Variants in NTM observed in about 807,000 individuals in gnomAD.
The protein encoded by NTM is neurotrimin.
In NTM, 13 loss-of-function variants were observed where a neutral mutation model predicts 42.1. The ratio of observed to expected loss-of-function variants is 0.31; its 90% CI spans 0.20 to 0.49. The LOEUF (loss-of-function observed/expected upper bound fraction) is 0.49, where lower values mean the gene tolerates loss of function less well. NTM is among the 20% of genes least tolerant of loss of function. The pLI is 0.99. For synonymous variants in NTM, 187 were observed against 179.2 expected, an observed-to-expected ratio of 1.04 and a Z score of -0.35; for missense variants, 373 against 452.8, an observed-to-expected ratio of 0.82 and a Z score of 1.60.
rs1232635260 is a variant in NTM, at chr11:132,310,212, G to A, written c.762G>A (p.Gln254=). ...CAGCAGTCCCCTCAGCAGAATTCCA[G>A]TGGTACAAGGATGACAAAAGGTAAA... is the stretch of plus-strand genomic sequence containing the variant. The part of the protein sequence containing the change: ...EASAVPSAEF[Q]WYKDDKRLIE... Residue 254 remains glutamine, a synonymous_variant, in exon 6 of 9, where the codon CAG becomes CAA. Transcript: ENST00000683400. 1.2e-6 allele frequency: 2 copies of A among 1,609,214 alleles called. No homozygotes were observed. The highest frequency in any genetic ancestry group is 1.7e-6 in the Non-Finnish European group (2 of 1,178,308).
chr11:131,587,712 C>T (rs941256639), intron 1 of NTM, among the ~76,000 whole-genome samples: 3 of 152,180 alleles, frequency 2.0e-5, no homozygotes, highest in Non-Finnish European at 4.4e-5. Context: ...ATCTTAAATG[C>T]TCCACTGCAC....
chr11:132,250,132 G>A (rs1012622709), intron 4 of NTM, among the ~76,000 whole-genome samples: 3 of 152,180 alleles, frequency 2.0e-5, no homozygotes, highest in East Asian at 1.9e-4. Flanking sequence ...ATTCCTGAAC[G>A]GTACTTATTC....
At position 132,307,835 on chromosome 11, in the gene NTM, C is replaced by T. The variant is rs941689905; in HGVS notation, c.661+12C>T. ...GGTCACCGTGAACTGTAAGTGTTCT[C>T]ACCACCACGCGCCCTGCACGTGCAT... On this transcript the variant is annotated intron_variant, in intron 5 of 8. Transcript: ENST00000683400. 1.2e-6 allele frequency: 2 copies of T among 1,613,384 alleles called. No homozygotes were observed. The highest frequency in any genetic ancestry group is 1.3e-5 in the African/African-American group (1 of 74,936).
chr11:131,598,853 C>T (rs1182675195), intron 1 of NTM, among the ~76,000 whole-genome samples: 1 of 46,746 alleles, frequency 2.1e-5, no homozygotes, highest in Admixed American at 2.9e-4. Context: ...TTCTTTCTTC[C>T]TTCCTTCCTT....
chr11:132,105,699 T>TG (rs1336930490), intron 2 of NTM, among the ~76,000 whole-genome samples: 1 of 152,202 alleles, frequency 6.6e-6, no homozygotes, highest in Non-Finnish European at 1.5e-5. Context: ...CTCTCCAGGC[T>TG]GGGGGTCCCA....
At chr11:132,195,236 C>A (rs1007350386) in intron 3 of NTM, among the ~76,000 whole-genome samples, 1 of 151,938 alleles carries the variant, frequency 6.6e-6, no homozygotes, top group Non-Finnish European at 1.5e-5. Context: ...ATACGTCTAA[C>A]CAAGAAGGTA....
At chr11:131,456,075 C>A (rs61192690) in intron 1 of NTM, among the ~76,000 whole-genome samples, 1 of 152,146 alleles carries the variant, frequency 6.6e-6, no homozygotes, top group Non-Finnish European at 1.5e-5. Flanking sequence ...AAGACCTTGG[C>A]GGTGACCTTG....
intron 2 of NTM, among the ~76,000 whole-genome samples, chr11:131,987,817 C>T (rs2066334723): frequency 6.6e-6 from 1 of 152,178 alleles, no homozygotes; most frequent in South Asian, 2.1e-4. Context: ...GCCACTCAGT[C>T]AAAGATTAGC....
At chr11:131,701,723 G>T (rs563322998) in intron 1 of NTM, among the ~76,000 whole-genome samples, 7 of 152,070 alleles carry the variant, frequency 4.6e-5, no homozygotes, top group Non-Finnish European at 1.0e-4. Context: ...TTCATTTAAT[G>T]GTGTGTCCAT....
At chr11:131,400,477 C>CT (rs1368010678) in intron 1 of NTM, among the ~76,000 whole-genome samples, 1 of 152,162 alleles carries the variant, frequency 6.6e-6, no homozygotes, top group Non-Finnish European at 1.5e-5. Context: ...GGGACCTTGG[C>CT]TTGAATCCTG....
intron 2 of NTM, among the ~76,000 whole-genome samples, chr11:132,035,190 T>TTTA (rs1224285093): frequency 2.6e-4 from 39 of 152,224 alleles, no homozygotes; most frequent in African/African-American, 9.4e-4. Flanking sequence ...AGAAGCTGTG[T>TTTA]TTATGATTCT....
At chr11:131,685,634 G>A (rs1012558609) in intron 1 of NTM, among the ~76,000 whole-genome samples, 5 of 152,002 alleles carry the variant, frequency 3.3e-5, no homozygotes, top group Admixed American at 6.6e-5. Flanking sequence ...CCCGCCAATC[G>A]CCCTATTTCA....
chr11:131,500,577 A>AT (rs71475759), intron 1 of NTM, among the ~76,000 whole-genome samples: 12 of 76,216 alleles, frequency 1.6e-4, no homozygotes, highest in Middle Eastern at 6.1e-3. Flanking sequence ...ATATATATAT[A>AT]TTTTTTTTTT....
chr11:131,577,958 A>C (rs2058076976), intron 1 of NTM, among the ~76,000 whole-genome samples: 1 of 152,252 alleles, frequency 6.6e-6, no homozygotes, highest in Non-Finnish European at 1.5e-5. Flanking sequence ...ACTGAATACC[A>C]GTAAAATTAA....
At chr11:131,579,241 T>A (rs2058185923) in intron 1 of NTM, among the ~76,000 whole-genome samples, 1 of 152,142 alleles carries the variant, frequency 6.6e-6, no homozygotes. Flanking sequence ...GAAGCAGAGC[T>A]TAGTCATAGC....
intron 2 of NTM, among the ~76,000 whole-genome samples, chr11:131,985,698 TC>T (rs147430132): frequency 0.016 from 2,466 of 152,286 alleles, 66 homozygotes; most frequent in African/African-American, 0.057. Flanking sequence ...TGCATGTTAC[TC>T]CTACGCTCAT....
chr11:131,475,254 C>T (rs1470706681), intron 1 of NTM, among the ~76,000 whole-genome samples: 1 of 152,172 alleles, frequency 6.6e-6, no homozygotes, highest in Non-Finnish European at 1.5e-5. Flanking sequence ...AATGGTGGGG[C>T]TTGAGGAAGC....
intron 2 of NTM, among the ~76,000 whole-genome samples, chr11:132,030,590 A>G (rs959248608): frequency 6.6e-6 from 1 of 152,222 alleles, no homozygotes; most frequent in Non-Finnish European, 1.5e-5. Flanking sequence ...TTGTTAAGAT[A>G]ATATTTAAGT....
intron 1 of NTM, among the ~76,000 whole-genome samples, chr11:131,522,151 G>A (rs1402617505): frequency 6.6e-6 from 1 of 152,058 alleles, no homozygotes; most frequent in Non-Finnish European, 1.5e-5. Context: ...TACTGCTTGG[G>A]TCATCCGGGA....
Sources: allele counts gnomAD v4.1 joint callset (sites outside exome capture counted in the v4.1 genomes callset), GRCh38; gene constraint gnomAD v4.1.1; transcripts MANE v1.5; gene names NCBI Gene and HGNC (gene_info 2026-07-23, HGNC 2026-07-21).